MALRD1: variants seen among roughly 807,000 people sequenced by gnomAD.
MALRD1 encodes the protein MAM and LDL receptor class A domain containing 1, also known as MAM and LDL-receptor class A domain-containing protein 1.
In MALRD1, 247 loss-of-function variants were observed where a neutral mutation model predicts 242.1. That is an observed-to-expected ratio of 1.02 (90% CI 0.92 to 1.13). The LOEUF is 1.13. MALRD1 is among the 50% of genes most tolerant of loss of function. The pLI is 0.00. For synonymous variants in MALRD1, 995 were observed against 866.6 expected, an observed-to-expected ratio of 1.15 and a Z score of -2.60; for missense variants, 2,989 against 2,533.1, an observed-to-expected ratio of 1.18 and a Z score of -3.86.
intron 29 of MALRD1, among the ~76,000 whole-genome samples, chr10:19,457,770 A>T (rs1270890243): frequency 1.3e-5 from 2 of 150,572 alleles, no homozygotes; most frequent in Non-Finnish European, 3.0e-5. Flanking sequence ...GGTCTTGAAA[A>T]AAAATAAGTG....
intron 35 of MALRD1, among the ~76,000 whole-genome samples, chr10:19,611,049 TC>T (rs1331512953): frequency 2.0e-5 from 3 of 151,764 alleles, no homozygotes; most frequent in Non-Finnish European, 4.4e-5. Context: ...ATGCAAATAC[TC>T]CCCCCAGTAT....
In MALRD1 at chr10:19,161,508, A is replaced by T. The variant is rs1298703425; in HGVS notation, c.1657-4129A>T. Among the ~76,000 whole-genome samples the T allele has an allele frequency of 2.1e-3, 280 of 134,232 alleles. 2 individuals are homozygous for T. The highest frequency in any genetic ancestry group is 4.4e-3 in the African/African-American group (164 of 37,658). The allele number at this position is 134,232 out of a possible 152,430, so 88.1% of individuals were successfully genotyped here. ...CCCTAAAACTTAGAGTATAATAAAAAAAATAAATAAATAAATATAATAAAA... is the reference window on the plus strand; with the variant it reads ...CCCTAAAACTTAGAGTATAATAAAATAAATAAATAAATAAATATAATAAAA... On this transcript the variant is annotated intron_variant, in intron 12 of 39. Transcript: ENST00000454679.
chr10:19,691,090 A>G (rs550098967), intron 36 of MALRD1, among the ~76,000 whole-genome samples: 63 of 152,208 alleles, frequency 4.1e-4, no homozygotes, highest in African/African-American at 1.4e-3. Context: ...AAGATTGACA[A>G]GTAGGATTCA....
intron 32 of MALRD1, among the ~76,000 whole-genome samples, chr10:19,539,853 TG>T (rs879743457): frequency 0.46 from 24,783 of 53,818 alleles, 3,287 homozygotes; most frequent in Admixed American, 0.57. Flanking sequence ...CACCCAGCTT[TG>T]TGCGTGTGTG....
intron 36 of MALRD1, among the ~76,000 whole-genome samples, chr10:19,659,857 A>G (rs1421409276): frequency 1.3e-5 from 2 of 152,094 alleles, no homozygotes; most frequent in African/African-American, 4.8e-5. Context: ...CTGAGGTAGA[A>G]AATTTCCTAT....
At chr10:19,177,643 T>C (rs1309994646) in intron 14 of MALRD1, among the ~76,000 whole-genome samples, 7 of 152,204 alleles carry the variant, frequency 4.6e-5, no homozygotes, top group Non-Finnish European at 1.0e-4. Flanking sequence ...TGTGCTTTAT[T>C]TTATTTTTTC....
At chr10:19,596,962 A>G (rs1838129840) in intron 34 of MALRD1, among the ~76,000 whole-genome samples, 1 of 152,128 alleles carries the variant, frequency 6.6e-6, no homozygotes, top group Non-Finnish European at 1.5e-5. Context: ...GGACCTCTAG[A>G]AATCTGGAAC....
At chr10:19,670,111 T>C (rs1841853966) in intron 36 of MALRD1, among the ~76,000 whole-genome samples, 1 of 150,792 alleles carries the variant, frequency 6.6e-6, no homozygotes, top group South Asian at 2.1e-4. Context: ...CACACACACA[T>C]AGTTATAACC....
rs958920798 is a variant in MALRD1, at chr10:19,325,548, A to G, written c.3576+1443A>G. On this transcript the variant is annotated intron_variant, in intron 22 of 39. Coordinates refer to ENST00000454679, the MANE Select transcript of MALRD1 (RefSeq NM_001142308.3). ...AGAATAATGCATAAAGTTCGTGAGT[A>G]ATATGCGTAGACACCTCAGTTATAT... 3.3e-5 allele frequency among the ~76,000 whole-genome samples: 5 copies of G among 152,058 alleles called. No homozygotes were observed. In the South Asian group the frequency reaches 8.3e-4, roughly 25 times the overall value.
At chr10:19,205,706 C>A (rs1482110970) in intron 17 of MALRD1, among the ~76,000 whole-genome samples, 2 of 151,908 alleles carry the variant, frequency 1.3e-5, no homozygotes, top group African/African-American at 4.8e-5. Context: ...TGAGATGTGG[C>A]TGCAAGGCAG....
At chr10:19,490,473 A>C (rs995650934) in intron 29 of MALRD1, among the ~76,000 whole-genome samples, 1 of 135,192 alleles carries the variant, frequency 7.4e-6, no homozygotes, top group African/African-American at 2.7e-5. Context: ...ACCTCTGTTT[A>C]AAACTGATGT....
chr10:19,600,817 A>G (rs976288868), intron 34 of MALRD1, among the ~76,000 whole-genome samples: 1 of 152,168 alleles, frequency 6.6e-6, no homozygotes. Flanking sequence ...GCCCTGTGTT[A>G]CTTAGCCTAT....
intron 32 of MALRD1, among the ~76,000 whole-genome samples, chr10:19,537,908 A>G (rs1834762345): frequency 6.6e-6 from 1 of 152,180 alleles, no homozygotes; most frequent in South Asian, 2.1e-4. Context: ...AGTGAAGATG[A>G]TTTCAGAAGT....
At chr10:19,444,259 T>C (rs937681787) in intron 28 of MALRD1, among the ~76,000 whole-genome samples, 2 of 152,218 alleles carry the variant, frequency 1.3e-5, no homozygotes, top group Non-Finnish European at 2.9e-5. Flanking sequence ...TGACTCTTTA[T>C]CCAATTTGCC....
At chr10:19,707,778 A>G (rs12263226) in intron 38 of MALRD1, among the ~76,000 whole-genome samples, 1,393 of 91,838 alleles carry the variant, frequency 0.015, 313 homozygotes, top group South Asian at 0.026. Flanking sequence ...GTGAAACCCC[A>G]TCTGTACTAA....
chr10:19,512,031 G>A (rs538282809), intron 31 of MALRD1, among the ~76,000 whole-genome samples: 1 of 152,054 alleles, frequency 6.6e-6, no homozygotes, highest in South Asian at 2.1e-4. Context: ...TTGAGAGATA[G>A]GGAGCCAAGA....
At chr10:19,536,161 G>T (rs1834664919) in intron 32 of MALRD1, among the ~76,000 whole-genome samples, 1 of 151,964 alleles carries the variant, frequency 6.6e-6, no homozygotes, top group Non-Finnish European at 1.5e-5. Context: ...TCCTAGGTAG[G>T]TTTGGTCAAT....
intron 36 of MALRD1, among the ~76,000 whole-genome samples, chr10:19,688,311 C>G (rs1200498079): frequency 6.6e-6 from 1 of 151,590 alleles, no homozygotes; most frequent in African/African-American, 2.4e-5. Flanking sequence ...GCTCTGTCAC[C>G]CATGTTGGAA....
intron 19 of MALRD1, among the ~76,000 whole-genome samples, chr10:19,268,940 T>G (rs1427768115): frequency 1.3e-5 from 2 of 152,158 alleles, no homozygotes; most frequent in East Asian, 3.9e-4. Flanking sequence ...GGTAGTTTGG[T>G]TCCCCTGTGG....
Sources: gnomAD v4.1 joint callset for allele counts (sites outside exome capture counted in the v4.1 genomes callset) on GRCh38, gnomAD v4.1.1 for gene constraint, MANE v1.5 for transcripts, NCBI Gene and HGNC (gene_info 2026-07-23, HGNC 2026-07-21) for gene names.